SPOCK1: variants seen among roughly 807,000 people sequenced by gnomAD.
SPOCK1 encodes the protein SPARC (osteonectin), cwcv and kazal like domains proteoglycan 1.
In SPOCK1, 23 loss-of-function variants were observed where a neutral mutation model predicts 55.3. That is an observed-to-expected ratio of 0.42 (90% CI 0.30 to 0.59). The LOEUF is 0.59. Among genes scored for constraint, SPOCK1 ranks in the 20% least tolerant of loss-of-function variants. The pLI, the probability that SPOCK1 is intolerant of heterozygous loss-of-function variation, is 0.22. For synonymous variants in SPOCK1, 226 were observed against 221.0 expected, an observed-to-expected ratio of 1.02 and a Z score of -0.20; for missense variants, 499 against 552.5, an observed-to-expected ratio of 0.90 and a Z score of 0.97.
chr5:137,066,829 T>C (rs1752512590), intron 6 of SPOCK1, among the ~76,000 whole-genome samples: 1 of 152,112 alleles, frequency 6.6e-6, no homozygotes, highest in African/African-American at 2.4e-5. Context: ...ATGATCACAT[T>C]TAGATTTGAA....
chr5:137,323,131 T>G (rs1044810344), intron 2 of SPOCK1, among the ~76,000 whole-genome samples: 1 of 152,214 alleles, frequency 6.6e-6, no homozygotes, highest in African/African-American at 2.4e-5. Flanking sequence ...ATGTGCATTT[T>G]GGGGAACATA....
At chr5:137,387,070 G>A (rs1751613522) in intron 2 of SPOCK1, among the ~76,000 whole-genome samples, 1 of 152,176 alleles carries the variant, frequency 6.6e-6, no homozygotes, top group African/African-American at 2.4e-5. Flanking sequence ...TTCACATCAT[G>A]TCATTAAATT....
intron 4 of SPOCK1, among the ~76,000 whole-genome samples, chr5:137,116,570 C>T (rs1015136490): frequency 1.1e-4 from 16 of 151,906 alleles, no homozygotes; most frequent in African/African-American, 3.4e-4. Context: ...CACTTGAACA[C>T]GGCAGGCGGA....
chr5:136,986,390 C>G (rs577352434), intron 8 of SPOCK1, among the ~76,000 whole-genome samples: 1 of 152,204 alleles, frequency 6.6e-6, no homozygotes, highest in East Asian at 1.9e-4. Context: ...ACAATACGAA[C>G]TCAAACCTAA....
chr5:137,340,333 A>AG (rs1360966300), intron 2 of SPOCK1, among the ~76,000 whole-genome samples: 1 of 152,148 alleles, frequency 6.6e-6, no homozygotes, highest in Non-Finnish European at 1.5e-5. Context: ...ACTCCCCAAT[A>AG]AACAGGTCTT....
intron 6 of SPOCK1, among the ~76,000 whole-genome samples, chr5:137,022,033 T>A (rs1378032029): frequency 6.6e-6 from 1 of 152,156 alleles, no homozygotes. Context: ...CTTAGAGAGA[T>A]GGCATCTCTC....
At chr5:137,483,265 G>T (rs557022309) in intron 2 of SPOCK1, among the ~76,000 whole-genome samples, 1 of 152,198 alleles carries the variant, frequency 6.6e-6, no homozygotes, top group African/African-American at 2.4e-5. Flanking sequence ...CCTGGAAGGC[G>T]GAGGTTGCAG....
intron 2 of SPOCK1, among the ~76,000 whole-genome samples, chr5:137,345,353 C>T (rs948563159): frequency 1.3e-5 from 2 of 152,218 alleles, no homozygotes; most frequent in Non-Finnish European, 1.5e-5. Context: ...ATGAGCTCTT[C>T]CTGTTTATGG....
chr5:136,981,530 T>TTTCTAGATATTTTGTAGA (rs1379004396), intron 9 of SPOCK1, among the ~76,000 whole-genome samples: 2 of 152,168 alleles, frequency 1.3e-5, no homozygotes, highest in East Asian at 3.8e-4. Context: ...TTTTCTTTCA[T>TTTCTAGATATTTTGTAGA]TTCTAGATAT....
At chr5:137,173,602 AATG>A (rs1168281185) in intron 3 of SPOCK1, among the ~76,000 whole-genome samples, 19 of 152,342 alleles carry the variant, frequency 1.2e-4, no homozygotes, top group African/African-American at 4.1e-4. Context: ...TGTGGACTAG[AATG>A]ATGATAAACA....
chr5:137,271,545 A>G (rs1756963681), intron 2 of SPOCK1, among the ~76,000 whole-genome samples: 1 of 152,172 alleles, frequency 6.6e-6, no homozygotes, highest in East Asian at 1.9e-4. Context: ...AATTTGGGTG[A>G]TTAAGTCTCT....
intron 2 of SPOCK1, among the ~76,000 whole-genome samples, chr5:137,354,425 T>C (rs1177347070): frequency 1.3e-5 from 2 of 151,988 alleles, no homozygotes; most frequent in African/African-American, 4.8e-5. Flanking sequence ...CACCCTCCCT[T>C]GACCCCCCCA....
chr5:137,100,454 TG>T (rs2127024983), intron 5 of SPOCK1, among the ~76,000 whole-genome samples: 1 of 152,320 alleles, frequency 6.6e-6, no homozygotes, highest in South Asian at 2.1e-4. Flanking sequence ...CATGATGTAG[TG>T]AATCTTGATT....
At chr5:137,181,745 A>G (rs1754974294) in intron 3 of SPOCK1, among the ~76,000 whole-genome samples, 2 of 152,370 alleles carry the variant, frequency 1.3e-5, no homozygotes, top group South Asian at 4.1e-4. Context: ...GCAAAGTGTA[A>G]GCTAATCTTG....
At chr5:137,234,733 G>A (rs1756142748) in intron 3 of SPOCK1, among the ~76,000 whole-genome samples, 1 of 152,166 alleles carries the variant, frequency 6.6e-6, no homozygotes, top group African/African-American at 2.4e-5. Flanking sequence ...CTCCAAAGAA[G>A]AGTAGGGAAA....
intron 2 of SPOCK1, among the ~76,000 whole-genome samples, chr5:137,270,377 A>C (rs1756938702): frequency 6.6e-6 from 1 of 152,208 alleles, no homozygotes; most frequent in Admixed American, 6.5e-5. Flanking sequence ...ATTTAAGTTC[A>C]ATAGCTCCCA....
At chr5:137,448,924 G>C (rs1177854663) in intron 2 of SPOCK1, among the ~76,000 whole-genome samples, 1 of 152,186 alleles carries the variant, frequency 6.6e-6, no homozygotes, top group African/African-American at 2.4e-5. Flanking sequence ...CCCTTCAGTA[G>C]GAATCTGGCC....
At chr5:137,128,591 C>T (rs1038192144) in intron 4 of SPOCK1, among the ~76,000 whole-genome samples, 2 of 152,242 alleles carry the variant, frequency 1.3e-5, no homozygotes, top group African/African-American at 4.8e-5. Flanking sequence ...GTGCAGGAAG[C>T]AGCTTGAGGG....
intron 2 of SPOCK1, among the ~76,000 whole-genome samples, chr5:137,451,639 C>T (rs1333641982): frequency 1.3e-5 from 2 of 152,178 alleles, no homozygotes; most frequent in Non-Finnish European, 2.9e-5. Context: ...AATCTCATTC[C>T]CTTGATCTAT....
Sources: gnomAD v4.1 joint callset for allele counts (sites outside exome capture counted in the v4.1 genomes callset) on GRCh38, gnomAD v4.1.1 for gene constraint, MANE v1.5 for transcripts, NCBI Gene and HGNC (gene_info 2026-07-23, HGNC 2026-07-21) for gene names.